EHBP1: variants seen among roughly 807,000 people sequenced by gnomAD.
EHBP1 encodes the protein EH domain binding protein 1, also known as EH domain-binding protein 1.
A neutral mutation model predicts 144.0 loss-of-function variants in EHBP1; 55 were observed. The observed-to-expected ratio is 0.38, with a 90% CI of 0.31 to 0.48. The LOEUF (loss-of-function observed/expected upper bound fraction) is 0.48, where lower values mean the gene tolerates loss of function less well. Ranked by LOEUF, EHBP1 falls within the 20% of genes least tolerant of loss-of-function variation. The pLI, the probability that EHBP1 is intolerant of heterozygous loss-of-function variation, is 0.98. For missense variants in EHBP1, 1,200 were observed against 1,364.2 expected (o/e 0.88, Z 1.90); for synonymous variants, 469 against 472.7 (o/e 0.99, Z 0.10).
At chr2:63,005,196 A>G (rs779226204) in intron 19 of EHBP1, among the ~76,000 whole-genome samples, 3 of 152,104 alleles carry the variant, frequency 2.0e-5, no homozygotes, top group African/African-American at 7.2e-5. Flanking sequence ...GGGTAGTATT[A>G]ATAATTATGC....
chr2:62,833,587 C>A (rs1404742539), intron 7 of EHBP1, among the ~76,000 whole-genome samples: 1 of 152,192 alleles, frequency 6.6e-6, no homozygotes, highest in African/African-American at 2.4e-5. Flanking sequence ...AAAAAAGATG[C>A]TTTCCAAAAT....
chr2:63,004,501 A>G (rs2059961206), intron 19 of EHBP1, among the ~76,000 whole-genome samples: 1 of 152,076 alleles, frequency 6.6e-6, no homozygotes, highest in African/African-American at 2.4e-5. Context: ...CAAGTATATG[A>G]AAATAATTTA....
At chr2:62,868,789 A>G (rs1264568265) in intron 9 of EHBP1, among the ~76,000 whole-genome samples, 2 of 152,000 alleles carry the variant, frequency 1.3e-5, no homozygotes, top group Non-Finnish European at 2.9e-5. Flanking sequence ...CTCTTAAAAA[A>G]AAAATTTTTT....
chr2:62,943,039 A>G (rs1240791821), intron 11 of EHBP1, 143 bp downstream of exon 11: 2 of 653,858 alleles, frequency 3.1e-6, no homozygotes, highest in Non-Finnish European at 5.0e-6. Context: ...GATATATGTC[A>G]GAAAGCTTTT....
rs567488845 is a variant in EHBP1 at position 63,030,486 on chromosome 2, C to A, written c.3104-7049C>A. On this transcript the variant is annotated intron_variant, in intron 19 of 22. Transcript: ENST00000431489. The stretch of plus-strand genomic sequence containing the variant: ...TAGAAATATTGCTTTTCTCCACTTC[C>A]ATTTTTTTTCTTTTTTTTTGAGACG... Among the ~76,000 whole-genome samples, 3 of 151,924 alleles carry A rather than the reference C, an allele frequency of 2.0e-5. No individual in the cohort carries two copies. The South Asian group carries it at 6.2e-4, about 32-fold the overall frequency.
intron 2 of EHBP1, among the ~76,000 whole-genome samples, chr2:62,744,419 C>T (rs912768524): frequency 6.6e-6 from 1 of 152,022 alleles, no homozygotes; most frequent in African/African-American, 2.4e-5. Flanking sequence ...TCTAGTGTAG[C>T]ATGAATGCTT....
intron 19 of EHBP1, among the ~76,000 whole-genome samples, chr2:63,028,791 A>C (rs2061100620): frequency 1.3e-5 from 2 of 152,062 alleles, no homozygotes; most frequent in African/African-American, 4.8e-5. Context: ...GCATTTAGTA[A>C]ATAAGCTATT....
At chr2:63,011,142 CA>C (rs58109395) in intron 19 of EHBP1, among the ~76,000 whole-genome samples, 403 of 43,882 alleles carry the variant, frequency 9.2e-3, no homozygotes, top group East Asian at 0.016. Flanking sequence ...CCTCACTTGT[CA>C]AAAAAAAAAA....
At chr2:62,721,783 G>C (rs938285049) in intron 2 of EHBP1, among the ~76,000 whole-genome samples, 23 of 152,036 alleles carry the variant, frequency 1.5e-4, no homozygotes, top group African/African-American at 4.6e-4. Context: ...ATTCATATCA[G>C]TGTGTACTTA....
At position 62,964,267 on chromosome 2, in the gene EHBP1, A is replaced by C. The variant is rs79414084; in HGVS notation, c.2460+8607A>C. 8.0e-4 allele frequency among the ~76,000 whole-genome samples: 122 copies of C among 152,260 alleles called. 2 individuals carry two copies. The East Asian group carries it at 0.022, about 28-fold the overall frequency. On this transcript the variant is annotated intron_variant, in intron 14 of 22. Coordinates refer to ENST00000431489, the MANE Select transcript of EHBP1 (RefSeq NM_001142616.3). ...CTCAAAAGTCTTATTTGAGGTTGCC[A>C]TGAATGCATGAAGCTAGGGCTAGGT...
intron 2 of EHBP1, among the ~76,000 whole-genome samples, chr2:62,711,410 A>G (rs2035138538): frequency 6.6e-6 from 1 of 152,178 alleles, no homozygotes; most frequent in Non-Finnish European, 1.5e-5. Context: ...TGTAATATTA[A>G]TTGAAGGGAT....
At chr2:62,879,838 A>G (rs2051241919) in intron 10 of EHBP1, among the ~76,000 whole-genome samples, 1 of 152,126 alleles carries the variant, frequency 6.6e-6, no homozygotes, top group Non-Finnish European at 1.5e-5. Flanking sequence ...AATTTTTCAC[A>G]AAATTAGAAA....
At chr2:62,921,571 A>G (rs1190518222) in intron 10 of EHBP1, among the ~76,000 whole-genome samples, 1 of 152,192 alleles carries the variant, frequency 6.6e-6, no homozygotes, top group African/African-American at 2.4e-5. Context: ...CACACAAAAG[A>G]AGGCAATAAT....
At chr2:62,972,672 G>A (rs2153178288) in intron 14 of EHBP1, among the ~76,000 whole-genome samples, 1 of 152,198 alleles carries the variant, frequency 6.6e-6, no homozygotes, top group South Asian at 2.1e-4. Flanking sequence ...CCATCCCACT[G>A]GAGAGCTTCA....
chr2:62,709,745 G>A (rs550154352), intron 2 of EHBP1, among the ~76,000 whole-genome samples: 1 of 151,680 alleles, frequency 6.6e-6, no homozygotes, highest in Admixed American at 6.6e-5. Context: ...AGTATTGGGG[G>A]TACTTAATAC....
intron 1 of EHBP1, among the ~76,000 whole-genome samples, chr2:62,678,967 A>G (rs549431308): frequency 6.6e-6 from 1 of 152,286 alleles, no homozygotes; most frequent in Non-Finnish European, 1.5e-5. Flanking sequence ...TACTCTTACT[A>G]TCATTCCCAA....
chr2:62,797,825 T>G (rs2043651575), intron 5 of EHBP1, among the ~76,000 whole-genome samples: 1 of 152,226 alleles, frequency 6.6e-6, no homozygotes, highest in Non-Finnish European at 1.5e-5. Flanking sequence ...GGTCTAAGTT[T>G]CCTTCTTCAT....
At chr2:62,919,873 C>CA (rs2054927868) in intron 10 of EHBP1, among the ~76,000 whole-genome samples, 1 of 151,558 alleles carries the variant, frequency 6.6e-6, no homozygotes, top group Non-Finnish European at 1.5e-5. Flanking sequence ...ATAACTGAAA[C>CA]AAAAAAATAT....
At chr2:62,982,628 T>A (rs2059020388) in intron 15 of EHBP1, among the ~76,000 whole-genome samples, 1 of 152,084 alleles carries the variant, frequency 6.6e-6, no homozygotes, top group Admixed American at 6.5e-5. Context: ...AGAAATAACT[T>A]GAGACCAGCC....
Sources: allele counts gnomAD v4.1 joint callset (sites outside exome capture counted in the v4.1 genomes callset), GRCh38; gene constraint gnomAD v4.1.1; transcripts MANE v1.5; gene names NCBI Gene and HGNC (gene_info 2026-07-23, HGNC 2026-07-21).